Variants in SNX29 observed in about 807,000 individuals in gnomAD.
SNX29 encodes sorting nexin 29.
A neutral mutation model predicts 102.1 loss-of-function variants in SNX29; 78 were observed. The observed-to-expected ratio is 0.76, with a 90% CI of 0.64 to 0.92. The LOEUF (loss-of-function observed/expected upper bound fraction) is 0.92, where lower values mean the gene tolerates loss of function less well. Ranked by LOEUF, SNX29 falls within the 40% of genes least tolerant of loss-of-function variation. SNX29 has a pLI of 0.00. For missense variants in SNX29, 1,280 were observed against 1,061.7 expected, an observed-to-expected ratio of 1.21 and a Z score of -2.86; for synonymous variants, 580 against 414.5, an observed-to-expected ratio of 1.40 and a Z score of -4.85.
At chr16:12,293,113 A>T (rs1487869297) in intron 15 of SNX29, among the ~76,000 whole-genome samples, 1 of 152,202 alleles carries the variant, frequency 6.6e-6, no homozygotes, top group Non-Finnish European at 1.5e-5. Context: ...ATTACTATAC[A>T]TATATTTTCA....
At chr16:12,326,607 A>G (rs898890283) in intron 15 of SNX29, among the ~76,000 whole-genome samples, 2 of 152,186 alleles carry the variant, frequency 1.3e-5, no homozygotes, top group African/African-American at 2.4e-5. Flanking sequence ...AAAAACGGGC[A>G]CTGGGGCTGG....
chr16:12,082,091 C>T (rs190594256), intron 11 of SNX29, among the ~76,000 whole-genome samples: 2 of 152,340 alleles, frequency 1.3e-5, no homozygotes, highest in East Asian at 3.9e-4. Flanking sequence ...CATCGCTTCC[C>T]AGCACCTATG....
chr16:12,271,502 A>G (rs1200499981), intron 14 of SNX29, among the ~76,000 whole-genome samples: 1 of 152,256 alleles, frequency 6.6e-6, no homozygotes, highest in Non-Finnish European at 1.5e-5. Flanking sequence ...GTCAATAAAC[A>G]TAGTCTGTTT....
intron 20 of SNX29, among the ~76,000 whole-genome samples, chr16:12,545,121 G>T (rs576397568): frequency 2.6e-5 from 4 of 152,130 alleles, no homozygotes; most frequent in Admixed American, 6.6e-5. Flanking sequence ...GCTCTGTGAG[G>T]CCCCACTTAC....
chr16:12,042,952 C>A lies in SNX29; in HGVS notation c.303C>A (p.Arg101=), dbSNP rs774797559. 1 of 1,613,912 alleles carries A rather than the reference C, an allele frequency of 6.2e-7. No individual in the cohort carries two copies. Among genetic ancestry groups the A allele is most frequent in the Non-Finnish European group, 8.5e-7 (1 of 1,179,848 alleles). Residue 101 remains arginine (R), a synonymous_variant, in exon 5 of 21, where the codon CGC becomes CGA. Transcript: ENST00000566228. ...KEVLNKHELQ[R]FYSLRHIASD... is the part of the protein sequence containing the mutation. ...TCCTCAACAAGCACGAGCTGCAGCGCTTCTACTCCCTGCGCCACATCGCCT... is the reference window on the plus strand; with the variant it reads ...TCCTCAACAAGCACGAGCTGCAGCGATTCTACTCCCTGCGCCACATCGCCT...
In SNX29 at chr16:11,999,400, G is replaced by A. The variant is rs369590890; in HGVS notation, c.69+42G>A. On this transcript the variant is annotated intron_variant, in intron 2 of 20. Transcript: ENST00000566228. ...CATTTGCCTTTTTGGTCGAGTAATA[G>A]TGTCAGATAATTAATGTAGGTCATT... 12 of 1,596,962 alleles carry A rather than the reference G, an allele frequency of 7.5e-6. No individual in the cohort carries two copies. In the African/African-American group the frequency reaches 1.2e-4, roughly 16 times the overall value.
chr16:12,572,175 T>G lies in SNX29; in HGVS notation c.*3546T>G. On this transcript the variant is annotated 3_prime_UTR_variant, in exon 21 of 21. Coordinates refer to ENST00000566228, the MANE Select transcript of SNX29 (RefSeq NM_032167.5). ...AGATCAATTTTGATAACCATGTAAT[T>G]TCTTAGAACCATGGCAGGTAGTATT... 1.0e-5 allele frequency: 10 copies of G among 978,902 alleles called. No individual in the cohort carries two copies. The highest frequency in any genetic ancestry group is 1.2e-5 in the Non-Finnish European group (10 of 801,510). 60.6% of individuals were successfully genotyped at this position (978,902 alleles called of 1,614,324 possible).
intron 3 of SNX29, among the ~76,000 whole-genome samples, chr16:12,009,565 A>G (rs1312110336): frequency 6.6e-6 from 1 of 151,966 alleles, no homozygotes; most frequent in Non-Finnish European, 1.5e-5. Flanking sequence ...AACAGTATTG[A>G]CATTAGGGGA....
rs75144127 is a variant in SNX29 at position 12,568,540 on chromosome 16, C to T, written c.2353C>T (p.Arg785Trp). 1,076 of 1,609,684 alleles carry T rather than the reference C, an allele frequency of 6.7e-4. 5 individuals carry two copies. In the African/African-American group the frequency reaches 9.9e-3, roughly 15 times the overall value. Residue 785 changes from arginine (R) to tryptophan (W), a missense_variant, in exon 21 of 21, where the codon CGG (arginine) becomes TGG (tryptophan). Physicochemically the swap from Arg to Trp is moderately radical, Grantham distance 101 (BLOSUM62 -3). Transcript: ENST00000566228. Reference protein sequence around the residue: ...ITPPGEPVNSRPKAASRFPKL... With the variant: ...ITPPGEPVNSWPKAASRFPKL... Reference sequence around the variant, plus strand: ...CCCGCCCGGAGAGCCTGTGAACAGCCGGCCCAAAGCAGCTTCCCGCTTCCC... The same window carrying T: ...CCCGCCCGGAGAGCCTGTGAACAGCTGGCCCAAAGCAGCTTCCCGCTTCCC...
chr16:12,143,040 C>T (rs1434699221), intron 13 of SNX29, among the ~76,000 whole-genome samples: 1 of 151,654 alleles, frequency 6.6e-6, no homozygotes, highest in African/African-American at 2.4e-5. Flanking sequence ...TCTTGTTGCC[C>T]AGGCTGGAGT....
chr16:12,002,895 C>G (rs2056337579), intron 2 of SNX29, 96 bp from the exon 3 acceptor site: 6 of 1,387,260 alleles, frequency 4.3e-6, no homozygotes, highest in Non-Finnish European at 6.1e-6. Flanking sequence ...GGTCCCGTGT[C>G]CCCTCCCTGA....
intron 15 of SNX29, among the ~76,000 whole-genome samples, chr16:12,312,209 A>G (rs952742014): frequency 1.3e-5 from 2 of 152,128 alleles, no homozygotes; most frequent in African/African-American, 4.8e-5. Context: ...GCAGTGCTTG[A>G]TCTGTATTTG....
chr16:12,054,053 C>A (rs896915421), intron 8 of SNX29, among the ~76,000 whole-genome samples: 1 of 151,704 alleles, frequency 6.6e-6, no homozygotes, highest in Middle Eastern at 3.2e-3. Flanking sequence ...CTGCAAACTC[C>A]GCCTCCCGGG....
Position 12,098,975 on chromosome 16 carries a change from C to T in SNX29, c.1402+20060C>T, listed in dbSNP as rs762717321. 4.6e-5 allele frequency among the ~76,000 whole-genome samples: 7 copies of T among 151,722 alleles called. No individual in the cohort carries two copies. Among genetic ancestry groups the T allele is most frequent in the Non-Finnish European group, 5.9e-5 (4 of 67,918 alleles). ...CCCTGCATTGTGGGAGCAGAGAGTA[C>T]GGGACAGAAAGAGTGAGGGTGGGAA... On this transcript the variant is annotated intron_variant, in intron 11 of 20. Transcript: ENST00000566228. The surrounding 1 kb of genome is among the most constrained non-coding windows in gnomAD (Gnocchi z 6.0).
In SNX29 at chr16:12,162,829, C is replaced by A. The variant is rs77818355; in HGVS notation, c.1595+33071C>A. Among the ~76,000 whole-genome samples, 452 of 152,260 alleles carry A rather than the reference C, an allele frequency of 3.0e-3. 16 individuals are homozygous for A. The East Asian group carries it at 0.072, about 24-fold the overall frequency. ...TGCAGGTCATGGTGCTGGGCAGCGG[C>A]AACACCCTGGAGGGCCGGCAAGCAC... On this transcript the variant is annotated intron_variant, in intron 13 of 20. Coordinates refer to ENST00000566228, the MANE Select transcript of SNX29 (RefSeq NM_032167.5).
chr16:12,391,481 T>C (rs138703799), intron 16 of SNX29, among the ~76,000 whole-genome samples: 1 of 152,304 alleles, frequency 6.6e-6, no homozygotes, highest in African/African-American at 2.4e-5. Context: ...ACAAAAACTT[T>C]CCAGGATTTT....
intron 19 of SNX29, among the ~76,000 whole-genome samples, chr16:12,494,521 A>G (rs1393795707): frequency 6.6e-6 from 1 of 152,060 alleles, no homozygotes; most frequent in Non-Finnish European, 1.5e-5. Context: ...CCCACTCCAA[A>G]GCTCCTCTCT....
intron 13 of SNX29, among the ~76,000 whole-genome samples, chr16:12,165,900 A>G (rs1280849553): frequency 6.6e-6 from 1 of 152,234 alleles, no homozygotes; most frequent in African/African-American, 2.4e-5. Flanking sequence ...AGAGTCAGCC[A>G]GCTCTGCTGC....
chr16:12,491,677 C>A (rs975328578), intron 19 of SNX29, among the ~76,000 whole-genome samples: 6 of 152,106 alleles, frequency 3.9e-5, no homozygotes, highest in Non-Finnish European at 7.3e-5. Flanking sequence ...TATCCCTCCC[C>A]CTTCCCCCAA....
Sources: allele counts gnomAD v4.1 joint callset (sites outside exome capture counted in the v4.1 genomes callset), GRCh38; gene constraint gnomAD v4.1.1; non-coding constraint Gnocchi (gnomAD v3.1); transcripts MANE v1.5; gene names NCBI Gene and HGNC (gene_info 2026-07-23, HGNC 2026-07-21).